The following GALNT13 variants were observed in gnomAD, a reference collection of about 807,000 sequenced individuals.
The protein encoded by GALNT13 is UDP-GalNAc:polypeptide N-acetylgalactosaminyltransferase 13.
Under a neutral mutation model 64.2 loss-of-function variants are expected in GALNT13, and 28 were observed. The observed-to-expected ratio is 0.44, with a 90% CI of 0.32 to 0.60. The LOEUF is 0.60. GALNT13 is among the 20% of genes least tolerant of loss of function. The probability of loss-of-function intolerance (pLI) is 0.05; values close to 1 mark genes in which losing one functional copy is unlikely to be tolerated. For missense variants in GALNT13, 577 were observed against 669.8 expected, an observed-to-expected ratio of 0.86 and a Z score of 1.53; for synonymous variants, 214 against 224.6, an observed-to-expected ratio of 0.95 and a Z score of 0.42.
intron 3 of GALNT13, among the ~76,000 whole-genome samples, chr2:154,050,489 A>G (rs775796877): frequency 6.6e-6 from 1 of 152,184 alleles, no homozygotes; most frequent in African/African-American, 2.4e-5. Flanking sequence ...AAAATCGTTG[A>G]TAGCTTGATA....
chr2:153,521,339 G>A, the GALNT13 span, among the ~76,000 whole-genome samples: 1 of 151,718 alleles, frequency 6.6e-6, no homozygotes, highest in African/African-American at 2.4e-5. Flanking sequence ...GCTTGCCTAA[G>A]TTCTTATTGT....
chr2:154,094,452 T>C (rs1701977422), intron 3 of GALNT13, among the ~76,000 whole-genome samples: 1 of 151,982 alleles, frequency 6.6e-6, no homozygotes, highest in Admixed American at 6.6e-5. Context: ...ATAAAATAAA[T>C]AAGAATTATT....
At chr2:153,558,063 T>G in the GALNT13 span, among the ~76,000 whole-genome samples, 1 of 152,224 alleles carries the variant, frequency 6.6e-6, no homozygotes, top group South Asian at 2.1e-4. Context: ...TTAGTGTTCA[T>G]CACTGTGACT....
chr2:153,754,853 A>G, the GALNT13 span, among the ~76,000 whole-genome samples: 3 of 152,150 alleles, frequency 2.0e-5, no homozygotes, highest in African/African-American at 7.2e-5. Flanking sequence ...CAGGAAGTCA[A>G]ATTCTGCCTG....
the GALNT13 span, among the ~76,000 whole-genome samples, chr2:153,827,187 C>T: frequency 2.0e-5 from 3 of 151,966 alleles, no homozygotes; most frequent in Non-Finnish European, 4.4e-5. Flanking sequence ...GGGAAACTCC[C>T]GCTTTTAAAA....
intron 4 of GALNT13, among the ~76,000 whole-genome samples, chr2:154,148,886 A>G (rs995680806): frequency 2.0e-5 from 3 of 151,802 alleles, no homozygotes; most frequent in Non-Finnish European, 2.9e-5. Flanking sequence ...TTGCCTGTTC[A>G]CTCTGATGGT....
intron 3 of GALNT13, among the ~76,000 whole-genome samples, chr2:154,014,821 C>T (rs557847162): frequency 4.6e-5 from 7 of 151,360 alleles, no homozygotes; most frequent in Admixed American, 2.6e-4. Flanking sequence ...TTAGTAGAGA[C>T]GGGGTTTCAC....
At chr2:153,573,858 T>C in the GALNT13 span, among the ~76,000 whole-genome samples, 13 of 152,210 alleles carry the variant, frequency 8.5e-5, no homozygotes, top group East Asian at 9.6e-4. Flanking sequence ...TTTCTACTTA[T>C]GATAAGTGTA....
the GALNT13 span, among the ~76,000 whole-genome samples, chr2:153,459,785 C>A: frequency 5.9e-5 from 9 of 152,054 alleles, no homozygotes; most frequent in South Asian, 1.0e-3. Context: ...ATGTTTGGGT[C>A]AAATTAAATT....
the GALNT13 span, among the ~76,000 whole-genome samples, chr2:153,202,141 C>T: frequency 6.6e-5 from 10 of 151,670 alleles, no homozygotes; most frequent in East Asian, 3.9e-4. Flanking sequence ...CCCGCCACCG[C>T]GCCCGGCTAA....
At chr2:153,272,755 CCCATTACTGGGTATATA>C in the GALNT13 span, among the ~76,000 whole-genome samples, 1 of 152,218 alleles carries the variant, frequency 6.6e-6, no homozygotes, top group Non-Finnish European at 1.5e-5. Flanking sequence ...ACCCCACAAG[CCCATTACTGGGTATATA>C]CCTAAAGGAT....
chr2:153,550,927 T>C, the GALNT13 span, among the ~76,000 whole-genome samples: 2 of 152,084 alleles, frequency 1.3e-5, no homozygotes, highest in Non-Finnish European at 1.5e-5. Flanking sequence ...TAAAAAACTA[T>C]AGATTATGAG....
chr2:154,143,086 G>T (rs931620764), intron 4 of GALNT13, among the ~76,000 whole-genome samples: 1 of 152,240 alleles, frequency 6.6e-6, no homozygotes, highest in Admixed American at 6.5e-5. Flanking sequence ...TACACATTTG[G>T]AGGTGGTGGA....
intron 2 of GALNT13, among the ~76,000 whole-genome samples, chr2:153,936,996 C>T (rs542146992): frequency 3.9e-5 from 6 of 152,200 alleles, no homozygotes; most frequent in South Asian, 2.1e-4. Flanking sequence ...GGATTACAGG[C>T]GTGAGCAACC....
chr2:153,113,570 T>A, the GALNT13 span, among the ~76,000 whole-genome samples: 120 of 152,202 alleles, frequency 7.9e-4, 1 homozygote, highest in African/African-American at 2.7e-3. Context: ...AGAGTACTTA[T>A]AATACTTCAT....
chr2:153,567,464 G>A, the GALNT13 span, among the ~76,000 whole-genome samples: 1 of 152,220 alleles, frequency 6.6e-6, no homozygotes, highest in Admixed American at 6.5e-5. Flanking sequence ...TGAGGAGTGA[G>A]TAACAGGTGA....
chr2:153,779,719 C>T, the GALNT13 span, among the ~76,000 whole-genome samples: 1 of 152,068 alleles, frequency 6.6e-6, no homozygotes, highest in Non-Finnish European at 1.5e-5. Context: ...GGTAATTTCT[C>T]ATGAGTGATG....
At chr2:154,157,418 G>A (rs528863313) in intron 4 of GALNT13, among the ~76,000 whole-genome samples, 188 of 151,974 alleles carry the variant, frequency 1.2e-3, no homozygotes, top group Admixed American at 1.5e-3. Context: ...TCACTATGTC[G>A]CCCAGGCTGG....
the GALNT13 span, among the ~76,000 whole-genome samples, chr2:153,434,666 G>C: frequency 6.6e-6 from 1 of 152,118 alleles, no homozygotes. Context: ...CCCACTTTTT[G>C]ATGGGGTTGT....
Sources: allele counts gnomAD v4.1 joint callset (sites outside exome capture counted in the v4.1 genomes callset), GRCh38; gene constraint gnomAD v4.1.1; transcripts MANE v1.5; gene names NCBI Gene and HGNC (gene_info 2026-07-23, HGNC 2026-07-21).